The following ATP11A variants were observed in gnomAD, a reference collection of about 807,000 sequenced individuals.
ATP11A encodes the protein ATPase phospholipid transporting 11A, also known as phospholipid-transporting ATPase IH.
A neutral mutation model predicts 154.4 loss-of-function variants in ATP11A; 81 were observed. That is an observed-to-expected ratio of 0.52 (90% CI 0.44 to 0.63). The LOEUF is 0.63. ATP11A is among the 30% of genes least tolerant of loss of function. The probability of loss-of-function intolerance (pLI) is 0.00; values close to 1 mark genes in which losing one functional copy is unlikely to be tolerated. For synonymous variants in ATP11A, 623 were observed against 585.9 expected (o/e 1.06, Z -0.91); for missense variants, 1,316 against 1,474.3 (o/e 0.89, Z 1.76).
At chr13:112,794,027 G>A (rs548386827) in intron 2 of ATP11A, among the ~76,000 whole-genome samples, 2 of 152,330 alleles carry the variant, frequency 1.3e-5, no homozygotes, top group East Asian at 1.9e-4. Context: ...GGCGTCTGTC[G>A]TACAAGTGAG....
chr13:112,813,313 G>A (rs1032757652), intron 5 of ATP11A, among the ~76,000 whole-genome samples: 2 of 152,168 alleles, frequency 1.3e-5, no homozygotes, highest in African/African-American at 4.8e-5. Context: ...CGGATGTGCT[G>A]CCCAGCTCTA....
At position 112,881,636 on chromosome 13, in the gene ATP11A, G is replaced by C. The variant is rs750290720; in HGVS notation, c.*10-240G>C. 5 of 1,192,456 alleles carry C rather than the reference G, an allele frequency of 4.2e-6. No homozygotes were observed. In the Admixed American group the frequency reaches 1.4e-4, roughly 33 times the overall value. The allele number at this position is 1,192,456 out of a possible 1,614,324, so 73.9% of individuals were successfully genotyped here. A position where few individuals can be genotyped will look rare whatever the true frequency, so the allele number is the denominator to read the frequency against. Reference sequence around the variant, plus strand: ...GACAGAGACCCCTCGCCTCCATATGGCTTCTCTGGTGGGGTGGATCCCGCC... The same window carrying C: ...GACAGAGACCCCTCGCCTCCATATGCCTTCTCTGGTGGGGTGGATCCCGCC... On this transcript the variant is annotated intron_variant, in intron 29 of 29. Transcript: ENST00000375645.
At chr13:112,858,388 T>A in intron 22 of ATP11A, 98 bp downstream of exon 22, 9 of 1,291,400 alleles carry the variant, frequency 7.0e-6, no homozygotes, top group Non-Finnish European at 8.4e-6. Flanking sequence ...AAGAGGTCAT[T>A]GATCTCCGAG....
intron 18 of ATP11A, among the ~76,000 whole-genome samples, chr13:112,854,019 A>G (rs1008179588): frequency 2.0e-5 from 3 of 152,196 alleles, no homozygotes; most frequent in African/African-American, 7.2e-5. Flanking sequence ...CAGTGACACA[A>G]GACAGCCCTT....
chr13:112,860,651 A>C (rs1003042300), intron 24 of ATP11A: 8 of 448,886 alleles, frequency 1.8e-5, no homozygotes, highest in African/African-American at 1.4e-4. Flanking sequence ...GTGTGGAGCC[A>C]GTTTGCACTT....
At chr13:112,724,513 T>G (rs553835548) in intron 1 of ATP11A, among the ~76,000 whole-genome samples, 2 of 149,192 alleles carry the variant, frequency 1.3e-5, no homozygotes, top group Admixed American at 1.3e-4. Flanking sequence ...GAACCGTGTA[T>G]GTGCGGCAGC....
chr13:112,755,778 G>C (rs545777675), intron 1 of ATP11A, among the ~76,000 whole-genome samples: 6 of 125,864 alleles, frequency 4.8e-5, no homozygotes, highest in South Asian at 2.7e-4. Context: ...AACCATTTCC[G>C]GTCACGGAAG....
At chr13:112,721,913 G>A (rs528323715) in intron 1 of ATP11A, among the ~76,000 whole-genome samples, 39 of 152,330 alleles carry the variant, frequency 2.6e-4, no homozygotes, top group African/African-American at 8.4e-4. Context: ...CGCTGGAGGC[G>A]CCAAGTGCAG....
rs1338132665 is a variant in ATP11A at position 112,696,861 on chromosome 13, A to G, written c.39+6406A>G. On this transcript the variant is annotated intron_variant, in intron 1 of 29. Transcript: ENST00000375645. This position sits in a 1 kb window ranked among gnomAD's most constrained non-coding sequence, Gnocchi z 6.2. ...CGGGAAGGACAGAGACCCAAGTCCCATCCCTCTGGGGCCCCCTTGGAATGG... is the reference window on the plus strand; with the variant it reads ...CGGGAAGGACAGAGACCCAAGTCCCGTCCCTCTGGGGCCCCCTTGGAATGG... 2.0e-5 allele frequency: 3 copies of G among 152,294 alleles called. No homozygotes were observed. The highest frequency in any genetic ancestry group is 6.5e-5 in the Admixed American group (1 of 15,284). The allele number at this position is 152,294 out of a possible 1,614,324, so 9.4% of individuals were successfully genotyped here. A position where few individuals can be genotyped will look rare whatever the true frequency, so the allele number is the denominator to read the frequency against.
intron 22 of ATP11A, chr13:112,858,589 C>T (rs2080005310): frequency 3.7e-6 from 1 of 267,308 alleles, no homozygotes; most frequent in Non-Finnish European, 7.2e-6. Flanking sequence ...GATGAAGTCT[C>T]ACGCCGTCCT....
chr13:112,853,035 A>G (rs750248332), intron 18 of ATP11A, among the ~76,000 whole-genome samples: 2 of 152,086 alleles, frequency 1.3e-5, no homozygotes, highest in African/African-American at 2.4e-5. Flanking sequence ...AGCCTGGGCA[A>G]TATAGTGAGA....
chr13:112,740,795 C>T (rs985615030), intron 1 of ATP11A, among the ~76,000 whole-genome samples: 1 of 152,206 alleles, frequency 6.6e-6, no homozygotes, highest in African/African-American at 2.4e-5. Flanking sequence ...AGCTGGGGAG[C>T]TCTGGCTGTG....
intron 12 of ATP11A, among the ~76,000 whole-genome samples, chr13:112,827,803 C>T (rs994687429): frequency 2.0e-5 from 3 of 152,238 alleles, no homozygotes; most frequent in Admixed American, 6.5e-5. Context: ...CTCTCTCTGC[C>T]TCCTGTGAGG....
chr13:112,823,480 C>A, intron 9 of ATP11A, 71 bp downstream of exon 9: 1 of 1,289,112 alleles, frequency 7.8e-7, no homozygotes, highest in Admixed American at 2.0e-5. Context: ...TTAAAACCCG[C>A]AGCGGAACCC....
chr13:112,788,656 T>G (rs562661338), intron 2 of ATP11A, among the ~76,000 whole-genome samples: 12 of 151,408 alleles, frequency 7.9e-5, no homozygotes, highest in Non-Finnish European at 1.8e-4. Context: ...TGTGGAGACC[T>G]ATTTAATTCA....
At chr13:112,879,721 C>T (rs890037221) in intron 29 of ATP11A, among the ~76,000 whole-genome samples, 8 of 152,220 alleles carry the variant, frequency 5.3e-5, no homozygotes, top group African/African-American at 1.9e-4. Context: ...GGGAACACGC[C>T]GTGGCGCCGA....
At chr13:112,794,331 A>C (rs2077940878) in intron 2 of ATP11A, among the ~76,000 whole-genome samples, 1 of 152,124 alleles carries the variant, frequency 6.6e-6, no homozygotes, top group African/African-American at 2.4e-5. Context: ...CAGCCTTCCC[A>C]CTCTAACGTG....
chr13:112,738,485 C>T (rs1891212840), intron 1 of ATP11A, among the ~76,000 whole-genome samples: 1 of 152,208 alleles, frequency 6.6e-6, no homozygotes, highest in African/African-American at 2.4e-5. Context: ...CCATAATTTA[C>T]TGCAAATAGG....
At chr13:112,693,892 C>T (rs1356728451) in intron 1 of ATP11A, among the ~76,000 whole-genome samples, 2 of 152,192 alleles carry the variant, frequency 1.3e-5, no homozygotes, top group Non-Finnish European at 2.9e-5. Context: ...GCGGAGGTTG[C>T]AGTGAGCTGA....
Sources: allele counts gnomAD v4.1 joint callset (sites outside exome capture counted in the v4.1 genomes callset), GRCh38; gene constraint gnomAD v4.1.1; non-coding constraint Gnocchi (gnomAD v3.1); transcripts MANE v1.5; gene names NCBI Gene and HGNC (gene_info 2026-07-23, HGNC 2026-07-21).